Variants in PSIP1 observed in about 807,000 individuals in gnomAD.
PSIP1 encodes the protein PC4 and SFRS1-interacting protein.
PSIP1 carries 19 observed loss-of-function variants against 74.7 expected under a neutral mutation model. The ratio of observed to expected loss-of-function variants is 0.25; its 90% CI spans 0.18 to 0.37. The LOEUF (loss-of-function observed/expected upper bound fraction) is 0.37, where lower values mean the gene tolerates loss of function less well. Ranked by LOEUF, PSIP1 falls within the 10% of genes least tolerant of loss-of-function variation. PSIP1 has a pLI of 1.00. For missense variants in PSIP1, 601 were observed against 614.3 expected (o/e 0.98, Z 0.23); for synonymous variants, 222 against 195.3 (o/e 1.14, Z -1.14).
At chr9:15,508,659 C>T (rs1419775757) in intron 2 of PSIP1, among the ~76,000 whole-genome samples, 1 of 152,098 alleles carries the variant, frequency 6.6e-6, no homozygotes, top group Non-Finnish European at 1.5e-5. Context: ...CCTCGAAGAC[C>T]ATGAAAAAGT....
At chr9:15,489,060 C>G (rs910973767) in intron 4 of PSIP1, among the ~76,000 whole-genome samples, 6 of 151,962 alleles carry the variant, frequency 3.9e-5, no homozygotes, top group Admixed American at 2.0e-4. Context: ...AATACCAACA[C>G]AAAGGAGAAG....
At position 15,476,334 on chromosome 9, in the gene PSIP1, C is replaced by T. The variant is rs970210635; in HGVS notation, c.630-2097G>A. ...GGCTGGGAGACTGGAAACCCTAATACGTTATTATACAATGGGTAAAACTGT... is the reference window on the plus strand; with the variant it reads ...GGCTGGGAGACTGGAAACCCTAATATGTTATTATACAATGGGTAAAACTGT... On this transcript the variant is annotated intron_variant, in intron 8 of 15. Transcript: ENST00000380733. Among the ~76,000 whole-genome samples the T allele has an allele frequency of 2.8e-4, 42 of 152,108 alleles. 1 individual carries two copies. The highest frequency in any genetic ancestry group is 8.7e-4 in the African/African-American group (36 of 41,414).
At chr9:15,484,095 G>A (rs1445315266) in intron 6 of PSIP1, among the ~76,000 whole-genome samples, 2 of 143,898 alleles carry the variant, frequency 1.4e-5, no homozygotes, top group Non-Finnish European at 3.0e-5. Context: ...TCATGCCACT[G>A]CACTCCAGTC....
At chr9:15,494,967 T>C (rs1398281186) in intron 3 of PSIP1, among the ~76,000 whole-genome samples, 1 of 152,054 alleles carries the variant, frequency 6.6e-6, no homozygotes, top group Non-Finnish European at 1.5e-5. Flanking sequence ...ACAAACCCAA[T>C]TCAACACAAA....
intron 13 of PSIP1, 44 bp from the exon 14 acceptor site, chr9:15,468,887 ATTT>A: frequency 6.2e-7 from 1 of 1,603,612 alleles, no homozygotes; most frequent in African/African-American, 1.3e-5. Context: ...TTCCTAATTG[ATTT>A]TTTAAACAAT....
In PSIP1 at chr9:15,486,904, A is replaced by G. The variant is rs778108645; in HGVS notation, c.316T>C (p.Ser106Pro). 3.1e-6 allele frequency: 5 copies of G among 1,611,684 alleles called. No homozygotes were observed. The highest frequency in any genetic ancestry group is 3.4e-6 in the Non-Finnish European group (4 of 1,178,884). ...QAATKQSNASSDVEVEEKETS... is the reference protein window; with the variant it reads ...QAATKQSNASPDVEVEEKETS... ...TCCTTTTCTTCAACTTCAACATCAG[A>G]TGATGCATTTGATTGTTTAGTTGCT... The change falls in exon 5 of 16, where the codon TCT becomes CCT. Residue 106 changes from serine (S) to proline (P), a missense_variant. Physicochemically the swap from Ser to Pro is moderately conservative, Grantham distance 74. Coordinates refer to ENST00000380733, the MANE Select transcript of PSIP1 (RefSeq NM_033222.5).
chr9:15,485,463 T>A (rs1248096020), intron 6 of PSIP1, among the ~76,000 whole-genome samples: 1 of 152,214 alleles, frequency 6.6e-6, no homozygotes, highest in Non-Finnish European at 1.5e-5. Flanking sequence ...ATCTTTGGTA[T>A]ATGATAATAA....
chr9:15,472,026 T>C (rs1191689277), intron 10 of PSIP1: 16 of 971,244 alleles, frequency 1.6e-5, no homozygotes, highest in Non-Finnish European at 2.0e-5. Context: ...TTACTTTTCC[T>C]TCTAGTAATA....
At chr9:15,486,417 C>A (rs1325940583) in intron 5 of PSIP1, among the ~76,000 whole-genome samples, 4 of 152,110 alleles carry the variant, frequency 2.6e-5, no homozygotes, top group Non-Finnish European at 5.9e-5. Flanking sequence ...ATCTAACAAC[C>A]ATTTCATTAG....
chr9:15,490,682 CAAAAAAAAAAAAA>C (rs869054621), intron 3 of PSIP1, among the ~76,000 whole-genome samples: 3 of 57,318 alleles, frequency 5.2e-5, no homozygotes, highest in African/African-American at 1.8e-4. Context: ...GACTCTGTCT[CAAAAAAAAAAAAA>C]AAAAAAAAAA....
At chr9:15,473,945 A>AAAACAAAAAAT in intron 9 of PSIP1, 64 bp downstream of exon 9, 3 of 1,181,214 alleles carry the variant, frequency 2.5e-6, no homozygotes, top group South Asian at 2.1e-5. Flanking sequence ...AAACAAAGAA[A>AAAACAAAAAAT]AAACAAAAAA....
intron 6 of PSIP1, among the ~76,000 whole-genome samples, chr9:15,484,644 G>A (rs1355987083): frequency 6.6e-6 from 1 of 151,816 alleles, no homozygotes; most frequent in Non-Finnish European, 1.5e-5. Flanking sequence ...GGAGAATCAC[G>A]TGAACCTGGG....
At chr9:15,498,444 G>C (rs1273386289) in intron 3 of PSIP1, among the ~76,000 whole-genome samples, 2 of 151,336 alleles carry the variant, frequency 1.3e-5, no homozygotes, top group African/African-American at 4.9e-5. Flanking sequence ...AAAAAACAAA[G>C]AGTAAGATAT....
Position 15,510,236 on chromosome 9 carries a change from G to A in PSIP1, c.-48C>T. The A allele has an allele frequency of 6.4e-7, 1 of 1,566,428 alleles. No homozygotes were observed. On this transcript the variant is annotated 5_prime_UTR_variant, in exon 2 of 16. Coordinates refer to ENST00000380733, the MANE Select transcript of PSIP1 (RefSeq NM_033222.5). ...TCCGAAGCCCGGGAGGCGGCGAGGA[G>A]ATGCGGCGGCGCGGGGATGCGGGCG...
intron 6 of PSIP1, among the ~76,000 whole-genome samples, chr9:15,484,911 C>CAAAA (rs59867087): frequency 2.0e-4 from 16 of 81,890 alleles, no homozygotes; most frequent in African/African-American, 7.2e-4. Flanking sequence ...AGATCCGTCT[C>CAAAA]AAAAAAAAAA....
intron 3 of PSIP1, chr9:15,505,718 G>T (rs1330075215): frequency 6.6e-6 from 1 of 152,156 alleles, no homozygotes; most frequent in Non-Finnish European, 1.5e-5. Flanking sequence ...GAACTTCTTT[G>T]TATGTAAATT....
chr9:15,469,174 C>T, intron 12 of PSIP1, 92 bp downstream of exon 12: 2 of 1,323,964 alleles, frequency 1.5e-6, no homozygotes, highest in Non-Finnish European at 2.1e-6. Context: ...GTAATTATCC[C>T]TTAAATTTAC....
rs539899456 is a variant in PSIP1, at chr9:15,503,610, T to G, written c.149+2951A>C. ...CCAGGAGTTCAAGGATGCAGTCAAC[T>G]ATGATCGCCGCTGTGTTCCATCCTG... On this transcript the variant is annotated intron_variant, in intron 3 of 15. Coordinates refer to ENST00000380733, the MANE Select transcript of PSIP1 (RefSeq NM_033222.5). 3.6e-3 allele frequency among the ~76,000 whole-genome samples: 551 copies of G among 151,644 alleles called. 1 individual carries two copies. The highest frequency in any genetic ancestry group is 0.013 in the African/African-American group (541 of 41,322).
rs2036194839 is a variant in PSIP1, at chr9:15,478,506, T to C, written c.600A>G (p.Val200=). The C allele has an allele frequency of 1.9e-6, 3 of 1,605,306 alleles. No homozygotes were observed. The stretch of plus-strand genomic sequence containing the variant: ...CACTCTCTGAAGGACAGGGCTGTTT[T>C]ACCATTTTGGGTCTGCCTCTTGGTT... ...IPKPRGRPKM[V]KQPCPSESDI... Residue 200 remains valine (V), a synonymous_variant, in exon 8 of 16, where the codon GTA becomes GTG. Coordinates refer to ENST00000380733, the MANE Select transcript of PSIP1 (RefSeq NM_033222.5).
Sources: allele counts gnomAD v4.1 joint callset (sites outside exome capture counted in the v4.1 genomes callset), GRCh38; gene constraint gnomAD v4.1.1; transcripts MANE v1.5; gene names NCBI Gene and HGNC (gene_info 2026-07-23, HGNC 2026-07-21).